Variants in GPATCH2 observed in about 807,000 individuals in gnomAD.
GPATCH2 encodes G-patch domain containing 2.
In GPATCH2, 51 loss-of-function variants were observed where a neutral mutation model predicts 58.0. The ratio of observed to expected loss-of-function variants is 0.88; its 90% confidence interval spans 0.70 to 1.11. The LOEUF (loss-of-function observed/expected upper bound fraction) is 1.11. GPATCH2 is among the 50% of genes most tolerant of loss of function. The pLI, the probability that GPATCH2 is intolerant of heterozygous loss-of-function variation, is 0.00. For synonymous variants in GPATCH2, 222 were observed against 218.5 expected (o/e 1.02, Z -0.14); for missense variants, 625 against 652.2 (o/e 0.96, Z 0.45).
chr1:217,561,395 C>T (rs1422502577), intron 5 of GPATCH2, among the ~76,000 whole-genome samples: 1 of 152,112 alleles, frequency 6.6e-6, no homozygotes, highest in Non-Finnish European at 1.5e-5. Flanking sequence ...TAAAATCACA[C>T]TTGGAGAATA....
At chr1:217,488,827 G>A (rs1661574427) in intron 8 of GPATCH2, among the ~76,000 whole-genome samples, 1 of 151,642 alleles carries the variant, frequency 6.6e-6, no homozygotes, top group Non-Finnish European at 1.5e-5. Context: ...GTGTAGCTGG[G>A]ACTACAGACA....
intron 8 of GPATCH2, among the ~76,000 whole-genome samples, chr1:217,453,548 T>A (rs563273200): frequency 5.1e-4 from 77 of 152,354 alleles, no homozygotes; most frequent in African/African-American, 1.8e-3. Context: ...TTTTGCTTTT[T>A]AAACCAACTT....
chr1:217,523,895 G>C (rs1358207352), intron 5 of GPATCH2, among the ~76,000 whole-genome samples: 32 of 113,032 alleles, frequency 2.8e-4, no homozygotes, highest in Middle Eastern at 4.2e-3. Flanking sequence ...CTGGCCGGGC[G>C]GGGGGCTGAC....
chr1:217,551,194 T>A (rs1459076565), intron 5 of GPATCH2, among the ~76,000 whole-genome samples: 2 of 151,366 alleles, frequency 1.3e-5, no homozygotes, highest in Non-Finnish European at 2.9e-5. Context: ...CAGAAAAAGA[T>A]GTATGGTCAG....
At chr1:217,537,287 C>A (rs191247120) in intron 5 of GPATCH2, among the ~76,000 whole-genome samples, 213 of 152,204 alleles carry the variant, frequency 1.4e-3, no homozygotes, top group African/African-American at 4.5e-3. Context: ...GGTAGCAAAT[C>A]CCTTGACAAT....
intron 5 of GPATCH2, among the ~76,000 whole-genome samples, chr1:217,600,003 G>A (rs1029580160): frequency 6.6e-6 from 1 of 152,056 alleles, no homozygotes; most frequent in African/African-American, 2.4e-5. Context: ...ACCATTAAAT[G>A]TTACTACATA....
rs188992069 is a variant in GPATCH2, at chr1:217,564,689, C to T, written c.1098+45632G>A. Among the ~76,000 whole-genome samples the T allele has an allele frequency of 5.7e-3, 866 of 152,248 alleles. 13 individuals are homozygous for T. Among genetic ancestry groups the T allele is most frequent in the Middle Eastern group, 0.034 (10 of 294 alleles). The stretch of plus-strand genomic sequence containing the variant: ...GTTGAACAACCAAGGACACGAAATT[C>T]CCCATGGCTACAATCTATTTCAGAA... On this transcript the variant is annotated intron_variant, in intron 5 of 9. Coordinates refer to ENST00000366935, the MANE Select transcript of GPATCH2 (RefSeq NM_018040.5).
intron 5 of GPATCH2, among the ~76,000 whole-genome samples, chr1:217,515,615 G>A (rs901464768): frequency 3.9e-5 from 6 of 152,010 alleles, no homozygotes; most frequent in African/African-American, 1.2e-4. Context: ...GGCTGAGGCC[G>A]CAGAATCGCT....
intron 5 of GPATCH2, among the ~76,000 whole-genome samples, chr1:217,576,472 A>G (rs1291810561): frequency 6.6e-6 from 1 of 152,212 alleles, no homozygotes. Context: ...CACGTATATT[A>G]CTATGCAAAT....
intron 5 of GPATCH2, among the ~76,000 whole-genome samples, chr1:217,595,261 T>C (rs1273565238): frequency 6.6e-6 from 1 of 152,118 alleles, no homozygotes; most frequent in Non-Finnish European, 1.5e-5. Flanking sequence ...AAACTAAGGA[T>C]TCAATAGTAA....
intron 8 of GPATCH2, among the ~76,000 whole-genome samples, chr1:217,459,342 C>A (rs1038286355): frequency 2.0e-5 from 3 of 152,170 alleles, no homozygotes; most frequent in Non-Finnish European, 4.4e-5. Context: ...CAGACCACCT[C>A]TTTGGGGAAA....
At chr1:217,468,657 A>G (rs1660584111) in intron 8 of GPATCH2, among the ~76,000 whole-genome samples, 1 of 152,154 alleles carries the variant, frequency 6.6e-6, no homozygotes, top group Admixed American at 6.6e-5. Flanking sequence ...ATAAAACAAT[A>G]AAGGAAATGT....
chr1:217,475,791 G>A (rs1450494714), intron 8 of GPATCH2, among the ~76,000 whole-genome samples: 2 of 152,082 alleles, frequency 1.3e-5, no homozygotes, highest in African/African-American at 4.8e-5. Context: ...GACATTTTGA[G>A]ACATGCAAAA....
chr1:217,454,431 T>C (rs1369734210), intron 8 of GPATCH2, among the ~76,000 whole-genome samples: 1 of 151,352 alleles, frequency 6.6e-6, no homozygotes, highest in South Asian at 2.1e-4. Context: ...CTACTAAAAA[T>C]ACAAAAAATT....
chr1:217,470,057 T>C (rs1229279735), intron 8 of GPATCH2, among the ~76,000 whole-genome samples: 1 of 152,182 alleles, frequency 6.6e-6, no homozygotes, highest in Non-Finnish European at 1.5e-5. Flanking sequence ...GCTGTTGTGA[T>C]ATGGGCCTGC....
At chr1:217,532,939 C>T (rs1215395323) in intron 5 of GPATCH2, among the ~76,000 whole-genome samples, 1 of 147,730 alleles carries the variant, frequency 6.8e-6, no homozygotes, top group Non-Finnish European at 1.5e-5. Flanking sequence ...CCCTCTGGCA[C>T]CCAGGCTGGA....
chr1:217,588,526 A>T (rs10863329), intron 5 of GPATCH2, among the ~76,000 whole-genome samples: 7,310 of 152,226 alleles, frequency 0.048, 566 homozygotes, highest in African/African-American at 0.17. Context: ...AACTTAATTG[A>T]ACCATAAGAC....
chr1:217,476,870 G>C (rs1025626160), intron 8 of GPATCH2, among the ~76,000 whole-genome samples: 5 of 152,094 alleles, frequency 3.3e-5, no homozygotes, highest in African/African-American at 1.2e-4. Flanking sequence ...GACTGCGGGG[G>C]CATGCAACAT....
At chr1:217,522,710 A>G (rs1462514651) in intron 5 of GPATCH2, among the ~76,000 whole-genome samples, 3 of 148,928 alleles carry the variant, frequency 2.0e-5, no homozygotes, top group African/African-American at 5.2e-5. Flanking sequence ...GGCAATCTAT[A>G]TATCTTCTAA....
Sources: gnomAD v4.1 joint callset for allele counts (sites outside exome capture counted in the v4.1 genomes callset) on GRCh38, gnomAD v4.1.1 for gene constraint, MANE v1.5 for transcripts, NCBI Gene and HGNC (gene_info 2026-07-23, HGNC 2026-07-21) for gene names.